AUTS2: variants seen among roughly 807,000 people sequenced by gnomAD.
AUTS2 encodes autism susceptibility gene 2 protein.
In AUTS2, 17 loss-of-function variants were observed where a neutral mutation model predicts 112.4. The ratio of observed to expected loss-of-function variants is 0.15; its 90% CI spans 0.10 to 0.23. The LOEUF (loss-of-function observed/expected upper bound fraction) is 0.23, where lower values mean the gene tolerates loss of function less well. AUTS2 is among the 10% of genes least tolerant of loss of function. AUTS2 has a pLI of 1.00. For missense variants in AUTS2, 1,510 were observed against 1,701.6 expected, an observed-to-expected ratio of 0.89 and a Z score of 1.98; for synonymous variants, 751 against 702.7, an observed-to-expected ratio of 1.07 and a Z score of -1.09.
chr7:70,365,246 C>T (rs137893032), intron 4 of AUTS2, among the ~76,000 whole-genome samples: 83 of 152,274 alleles, frequency 5.5e-4, no homozygotes, highest in African/African-American at 1.7e-3. Context: ...ATCACCAACC[C>T]GGATACAAAG....
intron 4 of AUTS2, among the ~76,000 whole-genome samples, chr7:70,410,323 A>C (rs1415727037): frequency 6.6e-6 from 1 of 152,188 alleles, no homozygotes; most frequent in African/African-American, 2.4e-5. Context: ...GTTGCCTCAC[A>C]GTCATAAGTT....
chr7:70,640,030 G>T (rs1454246819), intron 5 of AUTS2, among the ~76,000 whole-genome samples: 1 of 152,104 alleles, frequency 6.6e-6, no homozygotes, highest in Non-Finnish European at 1.5e-5. Flanking sequence ...TGATGGCTGA[G>T]CCTTTTTAGG....
chr7:70,466,898 C>A (rs1231851594), intron 5 of AUTS2, among the ~76,000 whole-genome samples: 1 of 152,126 alleles, frequency 6.6e-6, no homozygotes, highest in Non-Finnish European at 1.5e-5. Flanking sequence ...GAGTGAAGAT[C>A]AGCAGTGAGG....
intron 1 of AUTS2, among the ~76,000 whole-genome samples, chr7:69,715,950 G>T (rs563070314): frequency 2.0e-5 from 3 of 152,318 alleles, no homozygotes; most frequent in Admixed American, 2.0e-4. Context: ...AGGTAGGAGA[G>T]GAACCCAGGC....
intron 4 of AUTS2, among the ~76,000 whole-genome samples, chr7:70,348,056 T>A (rs1585043117): frequency 6.6e-6 from 1 of 151,970 alleles, no homozygotes; most frequent in East Asian, 1.9e-4. Flanking sequence ...GGTTTAAGGG[T>A]CAGAGGGAAG....
chr7:70,252,331 T>G (rs910006649), intron 4 of AUTS2, among the ~76,000 whole-genome samples: 1 of 152,184 alleles, frequency 6.6e-6, no homozygotes, highest in Admixed American at 6.5e-5. Context: ...GGCTTTAACT[T>G]TAATTTCCCT....
At chr7:70,554,389 CTTTCTTTTTTTTTTTTT>C (rs1563037487) in intron 5 of AUTS2, among the ~76,000 whole-genome samples, 1 of 135,170 alleles carries the variant, frequency 7.4e-6, no homozygotes, top group Admixed American at 7.6e-5. Context: ...CTTTTCTTTT[CTTTCTTTTTTTTTTTTT>C]TTTTTTTGAA....
intron 2 of AUTS2, among the ~76,000 whole-genome samples, chr7:69,929,007 G>A (rs563385478): frequency 3.0e-4 from 45 of 152,248 alleles, no homozygotes; most frequent in African/African-American, 7.9e-4. Context: ...ACATCTGAGC[G>A]TTTTTCTTTT....
At chr7:69,706,688 TTA>T (rs1798073228) in intron 1 of AUTS2, among the ~76,000 whole-genome samples, 1 of 152,244 alleles carries the variant, frequency 6.6e-6, no homozygotes. Flanking sequence ...CAGTTGTGGC[TTA>T]TGTCTTTTCT....
chr7:69,735,499 A>G (rs1055835954), intron 1 of AUTS2, among the ~76,000 whole-genome samples: 1 of 152,188 alleles, frequency 6.6e-6, no homozygotes, highest in African/African-American at 2.4e-5. Context: ...CTAATTATTT[A>G]ACCCATGAAA....
intron 6 of AUTS2, among the ~76,000 whole-genome samples, chr7:70,718,894 T>G (rs1810520033): frequency 6.6e-6 from 1 of 152,098 alleles, no homozygotes; most frequent in Admixed American, 6.5e-5. Context: ...AAATCGACTG[T>G]TTCTTCATCA....
chr7:70,497,478 T>G, intron 5 of AUTS2, among the ~76,000 whole-genome samples: 1 of 152,238 alleles, frequency 6.6e-6, no homozygotes, highest in Non-Finnish European at 1.5e-5. Context: ...TTAGACTTTC[T>G]TGTTATGTAA....
intron 2 of AUTS2, among the ~76,000 whole-genome samples, chr7:70,069,572 A>G (rs36064264): frequency 6.6e-6 from 1 of 152,186 alleles, no homozygotes; most frequent in Non-Finnish European, 1.5e-5. Flanking sequence ...AGCAGATGAC[A>G]CTGCTTATTA....
At chr7:70,599,510 G>A (rs1337850880) in intron 5 of AUTS2, among the ~76,000 whole-genome samples, 2 of 152,208 alleles carry the variant, frequency 1.3e-5, no homozygotes, top group Admixed American at 1.3e-4. Context: ...TGTTAGAAAT[G>A]CTGAACCTCA....
chr7:70,741,646 G>A (rs1246410053), intron 6 of AUTS2, among the ~76,000 whole-genome samples: 3 of 151,336 alleles, frequency 2.0e-5, no homozygotes, highest in Admixed American at 2.0e-4. Context: ...AGCCAAGATC[G>A]TGTCATTGCA....
At position 70,580,346 on chromosome 7, in the gene AUTS2, G is replaced by T. The variant is rs889971160; in HGVS notation, c.691-118223G>T. On this transcript the variant is annotated intron_variant, in intron 5 of 18. Transcript: ENST00000342771. ...TTGTCCCAGCATCATTGACATTCCAGGAGGCTGCTTCCTGCCGGTCCTCCC... is the reference window on the plus strand; with the variant it reads ...TTGTCCCAGCATCATTGACATTCCATGAGGCTGCTTCCTGCCGGTCCTCCC... Among the ~76,000 whole-genome samples, 78 of 152,160 alleles carry T rather than the reference G, an allele frequency of 5.1e-4. 1 individual carries two copies. Among genetic ancestry groups the T allele is most frequent in the Non-Finnish European group, 1.5e-4 (10 of 68,042 alleles).
rs1798587359 is a variant in AUTS2 at position 70,497,223 on chromosome 7, ATCACACACCCCAC to A, written c.690+61451_690+61463del. Among the ~76,000 whole-genome samples the A allele has an allele frequency of 2.2e-5, 3 of 135,580 alleles. No individual in the cohort carries two copies. The Admixed American group carries it at 2.3e-4, about 11-fold the overall frequency. 88.9% of individuals were successfully genotyped at this position (135,580 alleles called of 152,430 possible). On this transcript the variant is annotated intron_variant, in intron 5 of 18. Coordinates refer to ENST00000342771, the MANE Select transcript of AUTS2 (RefSeq NM_015570.4). ...ACATGCACATGTCACATCAGCGTCG[ATCACACACCCCAC>A]TCACACACACCACGTACACAGTCAC...
intron 2 of AUTS2, among the ~76,000 whole-genome samples, chr7:69,908,176 C>T (rs1203194923): frequency 2.0e-5 from 3 of 152,170 alleles, no homozygotes; most frequent in Admixed American, 1.3e-4. Flanking sequence ...ACTACTATCA[C>T]TCTTTGCTCT....
chr7:69,789,359 A>G (rs1210324494), intron 1 of AUTS2, among the ~76,000 whole-genome samples: 1 of 152,346 alleles, frequency 6.6e-6, no homozygotes, highest in East Asian at 1.9e-4. Context: ...AACTGATTCC[A>G]AAGGTTAGCT....
Sources: gnomAD v4.1 joint callset for allele counts (sites outside exome capture counted in the v4.1 genomes callset) on GRCh38, gnomAD v4.1.1 for gene constraint, MANE v1.5 for transcripts, NCBI Gene and HGNC (gene_info 2026-07-23, HGNC 2026-07-21) for gene names.